The following COMMD10 variants were observed in gnomAD, a reference collection of about 807,000 sequenced individuals.
The protein encoded by COMMD10 is COMM domain-containing protein 10.
In COMMD10, 33 loss-of-function variants were observed where a neutral mutation model predicts 28.9. The ratio of observed to expected loss-of-function variants is 1.14; its 90% confidence interval spans 0.87 to 1.53. The LOEUF (loss-of-function observed/expected upper bound fraction) is 1.53, where lower values mean the gene tolerates loss of function less well. Ranked by LOEUF, COMMD10 falls within the 40% of genes most tolerant of loss-of-function variation. The pLI is 0.00. For missense variants in COMMD10, 310 were observed against 233.4 expected (o/e 1.33, Z -2.14); for synonymous variants, 110 against 81.7 (o/e 1.35, Z -1.87).
intron 4 of COMMD10, among the ~76,000 whole-genome samples, chr5:116,131,624 C>G (rs1751865691): frequency 6.6e-6 from 1 of 151,940 alleles, no homozygotes; most frequent in Non-Finnish European, 1.5e-5. Flanking sequence ...TTAGTGTTGA[C>G]TCTGTCAGAG....
chr5:116,154,356 ATTG>A (rs1369650267), intron 5 of COMMD10, among the ~76,000 whole-genome samples: 4 of 152,142 alleles, frequency 2.6e-5, no homozygotes, highest in African/African-American at 7.2e-5. Flanking sequence ...TGGGTAGTTT[ATTG>A]TTAGTGATGT....
At chr5:116,189,876 C>A (rs1163593594) in intron 5 of COMMD10, among the ~76,000 whole-genome samples, 1 of 152,100 alleles carries the variant, frequency 6.6e-6, no homozygotes, top group African/African-American at 2.4e-5. Flanking sequence ...TTAATATTAT[C>A]TTTATTATGA....
chr5:116,289,221 A>C (rs1213474235), intron 5 of COMMD10, among the ~76,000 whole-genome samples: 1 of 151,798 alleles, frequency 6.6e-6, no homozygotes, highest in Non-Finnish European at 1.5e-5. Flanking sequence ...TAGTTATTTT[A>C]AATTCCCAGT....
At chr5:116,193,554 A>G (rs950251084) in intron 5 of COMMD10, among the ~76,000 whole-genome samples, 4 of 152,210 alleles carry the variant, frequency 2.6e-5, no homozygotes, top group Admixed American at 6.5e-5. Flanking sequence ...CAAACTTTAA[A>G]GCAACAGCAG....
intron 5 of COMMD10, among the ~76,000 whole-genome samples, chr5:116,146,978 T>A (rs993147777): frequency 1.3e-5 from 2 of 151,924 alleles, no homozygotes; most frequent in African/African-American, 4.8e-5. Flanking sequence ...TTTAAAAAAC[T>A]AAAATGCTTT....
intron 5 of COMMD10, among the ~76,000 whole-genome samples, chr5:116,204,818 A>T (rs757639347): frequency 6.6e-6 from 1 of 152,174 alleles, no homozygotes; most frequent in Non-Finnish European, 1.5e-5. Flanking sequence ...ATACGGTATT[A>T]AAGAAGACAT....
chr5:116,269,683 C>T (rs1243057027), intron 5 of COMMD10, among the ~76,000 whole-genome samples: 2 of 151,700 alleles, frequency 1.3e-5, no homozygotes, highest in Non-Finnish European at 2.9e-5. Flanking sequence ...TTAAGTTTCC[C>T]TTTCCCCTCA....
Position 116,150,366 on chromosome 5 carries a change from T to C in COMMD10, c.510+16188T>C, listed in dbSNP as rs1752484009. ...CTCTTTTTTGGTTCCATATGAACTTTAAAGTAGTTTTTTCCAATTCTGTGA... is the reference window on the plus strand; with the variant it reads ...CTCTTTTTTGGTTCCATATGAACTTCAAAGTAGTTTTTTCCAATTCTGTGA... On this transcript the variant is annotated intron_variant, in intron 5 of 6. Coordinates refer to ENST00000274458, the MANE Select transcript of COMMD10 (RefSeq NM_016144.4). Among the ~76,000 whole-genome samples the C allele has an allele frequency of 2.0e-5, 3 of 152,314 alleles. No homozygotes were observed. In the South Asian group the frequency reaches 6.2e-4, roughly 32 times the overall value.
At chr5:116,216,466 C>A (rs1749102570) in intron 5 of COMMD10, among the ~76,000 whole-genome samples, 1 of 152,184 alleles carries the variant, frequency 6.6e-6, no homozygotes, top group Non-Finnish European at 1.5e-5. Flanking sequence ...TTCACTAGAA[C>A]TATTACAAAC....
intron 5 of COMMD10, among the ~76,000 whole-genome samples, chr5:116,138,517 C>A (rs11739600): frequency 6.6e-6 from 1 of 151,356 alleles, no homozygotes; most frequent in African/African-American, 2.4e-5. Flanking sequence ...AATCTTAGTA[C>A]ATTTTTTTCC....
intron 5 of COMMD10, among the ~76,000 whole-genome samples, chr5:116,231,066 C>T (rs148835161): frequency 6.6e-6 from 1 of 152,212 alleles, no homozygotes; most frequent in African/African-American, 2.4e-5. Context: ...AGAATAAATG[C>T]AGTTTACTGC....
intron 5 of COMMD10, among the ~76,000 whole-genome samples, chr5:116,286,654 G>A (rs1267532024): frequency 2.6e-5 from 4 of 151,412 alleles, no homozygotes; most frequent in Non-Finnish European, 5.9e-5. Flanking sequence ...TAATTTCCAC[G>A]TATTTGTAGA....
intron 5 of COMMD10, among the ~76,000 whole-genome samples, chr5:116,243,322 G>GA (rs1254664679): frequency 2.6e-5 from 4 of 152,102 alleles, no homozygotes; most frequent in Non-Finnish European, 4.4e-5. Context: ...CCTAATTAGG[G>GA]AAAACAGAAA....
intron 4 of COMMD10, among the ~76,000 whole-genome samples, chr5:116,116,759 C>T (rs12516763): frequency 0.074 from 11,023 of 148,090 alleles, 495 homozygotes; most frequent in Admixed American, 0.13. Context: ...TCGCCCAGGC[C>T]GGACTGTGGA....
chr5:116,179,271 A>T (rs1747863382), intron 5 of COMMD10, among the ~76,000 whole-genome samples: 1 of 152,170 alleles, frequency 6.6e-6, no homozygotes, highest in Non-Finnish European at 1.5e-5. Flanking sequence ...GAGTTAAATA[A>T]TTTTAAAACA....
intron 5 of COMMD10, among the ~76,000 whole-genome samples, chr5:116,200,320 T>A (rs1047983299): frequency 6.6e-6 from 1 of 152,022 alleles, no homozygotes; most frequent in Non-Finnish European, 1.5e-5. Context: ...GTAAGTAAGG[T>A]GTTTTTTTCA....
chr5:116,167,953 T>C (rs986600996), intron 5 of COMMD10, among the ~76,000 whole-genome samples: 3 of 152,116 alleles, frequency 2.0e-5, no homozygotes, highest in Admixed American at 2.0e-4. Context: ...GCTACTGTCA[T>C]AATAACAGGA....
In COMMD10 at chr5:116,268,027, A is replaced by C. The variant is rs555127418; in HGVS notation, c.511-23490A>C. ...GAAAACCTAGGCAATACCATTCAGG[A>C]CATAGGCATGGGCAAGGACTTCATG... On this transcript the variant is annotated intron_variant, in intron 5 of 6. Coordinates refer to ENST00000274458, the MANE Select transcript of COMMD10 (RefSeq NM_016144.4). Among the ~76,000 whole-genome samples the C allele has an allele frequency of 4.6e-5, 7 of 151,968 alleles. No homozygotes were observed. In the East Asian group the frequency reaches 9.7e-4, roughly 21 times the overall value.
chr5:116,110,942 A>G (rs936472305), intron 4 of COMMD10, among the ~76,000 whole-genome samples: 2 of 152,044 alleles, frequency 1.3e-5, no homozygotes, highest in African/African-American at 4.8e-5. Flanking sequence ...ATCAGGCCCC[A>G]CCTCCAACAT....
Sources: gnomAD v4.1 joint callset for allele counts (sites outside exome capture counted in the v4.1 genomes callset) on GRCh38, gnomAD v4.1.1 for gene constraint, MANE v1.5 for transcripts, NCBI Gene and HGNC (gene_info 2026-07-23, HGNC 2026-07-21) for gene names.